ALMS1: variants seen among roughly 807,000 people sequenced by gnomAD.
ALMS1 encodes the protein ALMS1 centrosome and basal body associated protein.
A neutral mutation model predicts 352.2 loss-of-function variants in ALMS1; 271 were observed. The observed-to-expected ratio is 0.77, with a 90% CI of 0.70 to 0.85. ALMS1 has a LOEUF of 0.85. Ranked by LOEUF, ALMS1 falls within the 40% of genes least tolerant of loss-of-function variation. ALMS1 has a pLI of 0.00. For synonymous variants in ALMS1, 1,865 were observed against 1,761.2 expected, an observed-to-expected ratio of 1.06 and a Z score of -1.48; for missense variants, 5,445 against 4,870.7, an observed-to-expected ratio of 1.12 and a Z score of -3.51.
chr2:73,489,478 G>A (rs899831182), intron 9 of ALMS1, among the ~76,000 whole-genome samples, 156 bp from the exon 10 acceptor site: 3 of 151,914 alleles, frequency 2.0e-5, no homozygotes, highest in African/African-American at 7.2e-5. Context: ...TGTCTTTTTT[G>A]CTTGCTGTGC....
chr2:73,438,996 C>T (rs1043848232), intron 7 of ALMS1, among the ~76,000 whole-genome samples: 3 of 76,984 alleles, frequency 3.9e-5, no homozygotes, highest in African/African-American at 2.2e-4. Flanking sequence ...TCTTCTTCTT[C>T]CTCTTCTTCC....
chr2:73,544,328 G>A (rs1321784370), intron 12 of ALMS1, among the ~76,000 whole-genome samples: 1 of 152,088 alleles, frequency 6.6e-6, no homozygotes, highest in African/African-American at 2.4e-5. Context: ...AGAACACATG[G>A]ACACAGGAAG....
rs575638379 is a variant in ALMS1, at chr2:73,531,998, C to G, written c.9782-2826C>G. ...ATTTGAGATGACATTTGGTTGGGTA[C>G]TCAGAGCCAAACCATATCAGAAGTT... On this transcript the variant is annotated intron_variant, in intron 11 of 22. Transcript: ENST00000613296. 3.9e-5 allele frequency among the ~76,000 whole-genome samples: 6 copies of G among 152,372 alleles called. No individual in the cohort carries two copies. The South Asian group carries it at 6.2e-4, about 16-fold the overall frequency.
At chr2:73,542,920 G>T in intron 12 of ALMS1, among the ~76,000 whole-genome samples, 1 of 152,114 alleles carries the variant, frequency 6.6e-6, no homozygotes. Context: ...AATCAATATT[G>T]TGAAAATGGC....
intron 1 of ALMS1, among the ~76,000 whole-genome samples, chr2:73,388,484 T>C (rs1432250720): frequency 2.0e-5 from 3 of 152,192 alleles, no homozygotes; most frequent in African/African-American, 7.2e-5. Context: ...CATCTTTATG[T>C]CTGTGGGTAC....
At chr2:73,421,197 AC>A (rs1454742752) in intron 3 of ALMS1, among the ~76,000 whole-genome samples, 2 of 152,184 alleles carry the variant, frequency 1.3e-5, no homozygotes, top group African/African-American at 4.8e-5. Context: ...CTTACTTGTT[AC>A]TTACTATTCC....
chr2:73,549,187 C>A (rs529270740), intron 12 of ALMS1, among the ~76,000 whole-genome samples: 1 of 152,106 alleles, frequency 6.6e-6, no homozygotes, highest in South Asian at 2.1e-4. Flanking sequence ...TGTTCTTTTG[C>A]CTGTTAGATG....
chr2:73,435,483 T>C (rs1173739139), intron 7 of ALMS1, among the ~76,000 whole-genome samples: 1 of 152,212 alleles, frequency 6.6e-6, no homozygotes, highest in African/African-American at 2.4e-5. Context: ...ATTCAATTTA[T>C]ACTAACTTAA....
chr2:73,557,319 C>T lies in ALMS1; in HGVS notation c.10178C>T (p.Ala3393Val). The T allele has an allele frequency of 6.2e-7, 1 of 1,614,068 alleles. No homozygotes were observed. Among genetic ancestry groups the T allele is most frequent in the South Asian group, 1.1e-5 (1 of 91,080 alleles). The change falls in exon 14 of 23, where the codon GCT (alanine) becomes GTT (valine). Residue 3393 changes from alanine (A) to valine (V), a missense_variant. Ala to Val is a moderately conservative substitution (Grantham distance 64, BLOSUM62 0). Coordinates refer to ENST00000613296, the MANE Select transcript of ALMS1 (RefSeq NM_001378454.1). ...STRAVTEAAQAKEKESLQKDT... is the reference protein window; with the variant it reads ...STRAVTEAAQVKEKESLQKDT... ...AGGGCAGTGACTGAGGCTGCCCAGG[C>T]TAAAGAAAAAGAATCTTTGCAGAAA...
rs1034500469 is a variant in ALMS1 at position 73,489,780 on chromosome 2, T to C, written c.7821T>C (p.Ala2607=). Residue 2607 remains alanine, a synonymous_variant, in exon 10 of 23, where the codon GCT becomes GCC. Transcript: ENST00000613296. The part of the protein sequence containing the change: ...LDRHPCAFRS[A]GPSEMTRGRQ... ...GACACCCTTGTGCTTTCAGATCTGC[T>C]GGACCCTCAGAAATGACCAGAGGAC... The C allele has an allele frequency of 1.6e-5, 26 of 1,614,058 alleles. No homozygotes were observed. The highest frequency in any genetic ancestry group is 4.5e-5 in the East Asian group (2 of 44,896).
chr2:73,540,844 C>T (rs1225388868), intron 12 of ALMS1, among the ~76,000 whole-genome samples: 1 of 152,184 alleles, frequency 6.6e-6, no homozygotes, highest in Admixed American at 6.5e-5. Context: ...TATGTGTGCA[C>T]CCAATACAGG....
chr2:73,484,711 C>T (rs895841588), intron 9 of ALMS1, among the ~76,000 whole-genome samples: 2 of 152,176 alleles, frequency 1.3e-5, no homozygotes, highest in African/African-American at 4.8e-5. Flanking sequence ...TTCAGGTACA[C>T]CAATCAGACG....
At position 73,489,969 on chromosome 2, in the gene ALMS1, G is replaced by A; in HGVS notation, c.8010G>A (p.Met2670Ile). 21 of 1,614,202 alleles carry A rather than the reference G, an allele frequency of 1.3e-5. No homozygotes were observed. The highest frequency in any genetic ancestry group is 1.8e-5 in the Non-Finnish European group (21 of 1,180,030). ...DEFKISKGLR[M>I]PFDEKMDPWL... ...TCAAAATCAGCAAAGGTCTTCGAAT[G>A]CCATTCGATGAAAAGATGGACCCTT... Residue 2670 changes from methionine (M) to isoleucine (I), a missense_variant, in exon 10 of 23, where the codon ATG becomes ATA. Met to Ile is a conservative substitution (Grantham distance 10). Transcript: ENST00000613296.
chr2:73,529,410 T>C (rs1241496906), intron 11 of ALMS1, among the ~76,000 whole-genome samples: 3 of 152,208 alleles, frequency 2.0e-5, no homozygotes, highest in Non-Finnish European at 4.4e-5. Context: ...GATTGGTTTT[T>C]AGTGTCATAT....
In ALMS1 at chr2:73,451,871, G is replaced by T; in HGVS notation, c.5344G>T (p.Ala1782Ser). The T allele has an allele frequency of 6.2e-7, 1 of 1,613,572 alleles. No individual in the cohort carries two copies. The highest frequency in any genetic ancestry group is 8.5e-7 in the Non-Finnish European group (1 of 1,179,738). ...ELPDSHLTEEALKVSNVPGPA... is the reference protein window; with the variant it reads ...ELPDSHLTEESLKVSNVPGPA... ...GCCAGATAGTCATCTAACTGAAGAG[G>T]CTCTGAAAGTTTCAAATGTTCCTGG... The change falls in exon 8 of 23, where the codon GCT becomes TCT. Residue 1782 changes from alanine (A) to serine (S), a missense_variant. Coordinates refer to ENST00000613296, the MANE Select transcript of ALMS1 (RefSeq NM_001378454.1).
chr2:73,525,588 T>G lies in ALMS1; in HGVS notation c.9781+5572T>G, dbSNP rs1341509612. Among the ~76,000 whole-genome samples, 4 of 152,320 alleles carry G rather than the reference T, an allele frequency of 2.6e-5. No homozygotes were observed. In the South Asian group the frequency reaches 8.3e-4, roughly 32 times the overall value. On this transcript the variant is annotated intron_variant, in intron 11 of 22. Transcript: ENST00000613296. ...TTTATATGTCTTCTTTTGAGAAATGTTTGTTCAGATCTTTTGCCCGTTTTT... is the reference window on the plus strand; with the variant it reads ...TTTATATGTCTTCTTTTGAGAAATGGTTGTTCAGATCTTTTGCCCGTTTTT...
chr2:73,600,603 A>C, intron 17 of ALMS1, 75 bp from the exon 18 acceptor site: 1 of 1,351,856 alleles, frequency 7.4e-7, no homozygotes, highest in Non-Finnish European at 1.0e-6. Flanking sequence ...AAAAGGGTTC[A>C]CGTACTCACT....
intron 1 of ALMS1, among the ~76,000 whole-genome samples, chr2:73,399,119 G>C (rs967834231): frequency 1.3e-5 from 2 of 152,164 alleles, no homozygotes; most frequent in Admixed American, 1.3e-4. Flanking sequence ...CCAAAGTGCT[G>C]GGATTACAGG....
chr2:73,505,802 C>G (rs1673308760), intron 10 of ALMS1, among the ~76,000 whole-genome samples: 2 of 152,098 alleles, frequency 1.3e-5, no homozygotes, highest in Admixed American at 1.3e-4. Flanking sequence ...TTAATTAGAT[C>G]TAATTTGTCA....
Sources: gnomAD v4.1 joint callset for allele counts (sites outside exome capture counted in the v4.1 genomes callset) on GRCh38, gnomAD v4.1.1 for gene constraint, MANE v1.5 for transcripts, NCBI Gene and HGNC (gene_info 2026-07-23, HGNC 2026-07-21) for gene names.